SAMTOR: variants seen among roughly 807,000 people sequenced by gnomAD.
SAMTOR encodes S-adenosylmethionine sensor upstream of mTORC1.
At chr7:112,842,276 T>C in the SAMTOR span, among the ~76,000 whole-genome samples, 1 of 151,496 alleles carries the variant, frequency 6.6e-6, no homozygotes, top group Non-Finnish European at 1.5e-5. Context: ...GGATATTCTA[T>C]GGTTTCAACC....
At chr7:112,897,662 T>G in the SAMTOR span, among the ~76,000 whole-genome samples, 1 of 152,182 alleles carries the variant, frequency 6.6e-6, no homozygotes, top group South Asian at 2.1e-4. Flanking sequence ...TCATTTTACT[T>G]GTTATTGAAA....
the SAMTOR span, among the ~76,000 whole-genome samples, chr7:112,841,757 C>T: frequency 6.6e-6 from 1 of 151,898 alleles, no homozygotes. Flanking sequence ...AGAACAGAGG[C>T]CTCAGAAACA....
At chr7:112,913,186 A>C in the SAMTOR span, among the ~76,000 whole-genome samples, 1 of 152,102 alleles carries the variant, frequency 6.6e-6, no homozygotes, top group African/African-American at 2.4e-5. Context: ...CAACCATCCC[A>C]TCTCCTATTA....
chr7:112,924,912 A>G, the SAMTOR span, among the ~76,000 whole-genome samples: 2 of 152,136 alleles, frequency 1.3e-5, no homozygotes, highest in Non-Finnish European at 2.9e-5. Flanking sequence ...ATAACTATTC[A>G]TAAAACACAA....
the SAMTOR span, among the ~76,000 whole-genome samples, chr7:112,899,561 T>C: frequency 3.3e-5 from 5 of 151,940 alleles, no homozygotes; most frequent in African/African-American, 1.2e-4. Flanking sequence ...GATACAAATA[T>C]GCAGTTATAA....
At chr7:112,827,799 G>A in the SAMTOR span, among the ~76,000 whole-genome samples, 19 of 152,142 alleles carry the variant, frequency 1.2e-4, no homozygotes, top group African/African-American at 4.6e-4. Context: ...TTGGATCACT[G>A]CAGCCTCAAC....
the SAMTOR span, among the ~76,000 whole-genome samples, chr7:112,842,545 A>G: frequency 3.4e-4 from 51 of 152,070 alleles, no homozygotes; most frequent in East Asian, 6.2e-3. Context: ...AAAAGTTTTC[A>G]GTTTGGGAGA....
chr7:112,831,534 T>A, the SAMTOR span, among the ~76,000 whole-genome samples: 1 of 152,090 alleles, frequency 6.6e-6, no homozygotes, highest in Non-Finnish European at 1.5e-5. Context: ...TACATGCCTG[T>A]AATCCAGCTA....
At chr7:112,863,331 C>A in the SAMTOR span, among the ~76,000 whole-genome samples, 1 of 152,218 alleles carries the variant, frequency 6.6e-6, no homozygotes, top group Non-Finnish European at 1.5e-5. Context: ...GTATAAATCC[C>A]TGAAAGACAA....
the SAMTOR span, among the ~76,000 whole-genome samples, chr7:112,856,120 A>G: frequency 1.3e-5 from 2 of 152,218 alleles, no homozygotes; most frequent in African/African-American, 4.8e-5. Context: ...TAACTCAGAA[A>G]TTCAGTTAAA....
At chr7:112,885,880 T>A in the SAMTOR span, among the ~76,000 whole-genome samples, 1 of 152,092 alleles carries the variant, frequency 6.6e-6, no homozygotes, top group Admixed American at 6.6e-5. Context: ...ACTGTATTAG[T>A]CCATTATCAT....
chr7:112,874,504 G>A, the SAMTOR span, among the ~76,000 whole-genome samples: 1 of 152,090 alleles, frequency 6.6e-6, no homozygotes, highest in Non-Finnish European at 1.5e-5. Flanking sequence ...GAGGAGGGAG[G>A]TAGGAGGGTA....
the SAMTOR span, among the ~76,000 whole-genome samples, chr7:112,898,196 G>C: frequency 6.6e-6 from 1 of 152,288 alleles, no homozygotes; most frequent in Admixed American, 6.5e-5. Flanking sequence ...GCTGAATAAA[G>C]TGGCCCTGGG....
the SAMTOR span, among the ~76,000 whole-genome samples, chr7:112,930,241 C>A: frequency 1.3e-5 from 2 of 152,122 alleles, no homozygotes; most frequent in Non-Finnish European, 2.9e-5. Context: ...GTTCAGAATT[C>A]AGATTGTCTT....
chr7:112,862,585 T>C, the SAMTOR span, among the ~76,000 whole-genome samples: 1 of 152,156 alleles, frequency 6.6e-6, no homozygotes. Flanking sequence ...TATGGAAAAT[T>C]AAAATGCTCC....
At chr7:112,906,615 C>A in the SAMTOR span, among the ~76,000 whole-genome samples, 15 of 148,982 alleles carry the variant, frequency 1.0e-4, no homozygotes, top group Admixed American at 4.7e-4. Context: ...TGTCACCAGG[C>A]TGGAGTGCAG....
chr7:112,939,749 A>G, the SAMTOR span: 1 of 1,595,560 alleles, frequency 6.3e-7, no homozygotes, highest in African/African-American at 1.3e-5. Flanking sequence ...CCCTGGCTCC[A>G]TATCGCAGCC....
At chr7:112,846,145 C>CTTTTTTTTTTTTTT in the SAMTOR span, among the ~76,000 whole-genome samples, 1 of 128,994 alleles carries the variant, frequency 7.8e-6, no homozygotes, top group African/African-American at 3.0e-5. Flanking sequence ...ATCTGTACAA[C>CTTTTTTTTTTTTTT]TTTTTTTTTT....
the SAMTOR span, among the ~76,000 whole-genome samples, chr7:112,920,727 A>C: frequency 1.3e-5 from 2 of 148,782 alleles, no homozygotes; most frequent in African/African-American, 5.0e-5. Context: ...AAATCTCCTT[A>C]AGCTGATAAG....
Sources: gnomAD v4.1 joint callset for allele counts (sites outside exome capture counted in the v4.1 genomes callset) on GRCh38, gnomAD v4.1.1 for gene constraint, MANE v1.5 for transcripts, NCBI Gene and HGNC (gene_info 2026-07-23, HGNC 2026-07-21) for gene names.